ARIH1: variants seen among roughly 807,000 people sequenced by gnomAD.
The protein encoded by ARIH1 is ariadne RBR E3 ubiquitin protein ligase 1, also known as E3 ubiquitin-protein ligase ARIH1.
Under a neutral mutation model 85.0 loss-of-function variants are expected in ARIH1, and 8 were observed. The observed-to-expected ratio is 0.09, with a 90% confidence interval of 0.06 to 0.17. The LOEUF is 0.17. Ranked by LOEUF, ARIH1 falls within the 10% of genes least tolerant of loss-of-function variation. The probability of loss-of-function intolerance (pLI) is 1.00; values close to 1 mark genes in which losing one functional copy is unlikely to be tolerated. For synonymous variants in ARIH1, 238 were observed against 253.6 expected (o/e 0.94, Z 0.59); for missense variants, 311 against 718.1 (o/e 0.43, Z 6.48).
chr15:72,526,220 T>G (rs2064027490), intron 2 of ARIH1, among the ~76,000 whole-genome samples: 1 of 152,208 alleles, frequency 6.6e-6, no homozygotes, highest in African/African-American at 2.4e-5. Context: ...TCCTTTGTCA[T>G]TTCCATATAC....
chr15:72,581,569 A>G (rs1033356113), intron 12 of ARIH1: 2 of 158,280 alleles, frequency 1.3e-5, no homozygotes, highest in African/African-American at 4.8e-5. Flanking sequence ...TGCATAAAAC[A>G]TTGATATCTG....
chr15:72,516,915 A>G (rs1397461602), intron 1 of ARIH1, among the ~76,000 whole-genome samples: 2 of 152,240 alleles, frequency 1.3e-5, no homozygotes, highest in Non-Finnish European at 2.9e-5. Context: ...ATAAGCAGAC[A>G]CATGTTTGAG....
At chr15:72,576,506 A>C (rs1047208488) in intron 11 of ARIH1, among the ~76,000 whole-genome samples, 5 of 18,598 alleles carry the variant, frequency 2.7e-4, no homozygotes, top group Non-Finnish European at 1.3e-3. Flanking sequence ...ACTCTGTCTC[A>C]AAAAAAAAAA....
chr15:72,541,424 TTAAAAGA>T (rs1372292011), intron 2 of ARIH1, among the ~76,000 whole-genome samples: 15 of 152,312 alleles, frequency 9.8e-5, no homozygotes, highest in Admixed American at 2.6e-4. Flanking sequence ...ATTAAGTAAA[TTAAAAGA>T]TACTTTGTTC....
At chr15:72,484,006 A>C in intron 1 of ARIH1, among the ~76,000 whole-genome samples, 1 of 151,770 alleles carries the variant, frequency 6.6e-6, no homozygotes, top group East Asian at 1.9e-4. Context: ...CCCCGTCTCT[A>C]CTAAAAAAAT....
intron 2 of ARIH1, among the ~76,000 whole-genome samples, chr15:72,542,216 A>G (rs1036726582): frequency 6.6e-6 from 1 of 152,246 alleles, no homozygotes; most frequent in Non-Finnish European, 1.5e-5. Context: ...GAGGTCTTTT[A>G]AAGTGTGATA....
intron 1 of ARIH1, among the ~76,000 whole-genome samples, chr15:72,481,348 ATG>A (rs2063815955): frequency 6.6e-6 from 1 of 152,126 alleles, no homozygotes; most frequent in Admixed American, 6.5e-5. Flanking sequence ...GTGTTTCTCT[ATG>A]TGTTACGTGT....
chr15:72,558,370 C>T (rs1057307954), intron 5 of ARIH1, among the ~76,000 whole-genome samples: 14 of 152,150 alleles, frequency 9.2e-5, no homozygotes, highest in Non-Finnish European at 1.0e-4. Flanking sequence ...GGCACCATAT[C>T]GGCTCACTGC....
Position 72,474,762 on chromosome 15 carries a change from T to C in ARIH1, c.123T>C (p.Asp41=). ...DDDEPDDDTL[D]LGEVELVEPG... ...ACGAGCCGGACGATGATACCCTGGA[T>C]CTGGGCGAGGTGGAGCTGGTGGAGC... The change falls in exon 1 of 14, where the codon GAT becomes GAC. Residue 41 remains aspartate (D), a synonymous_variant. Transcript: ENST00000379887. 6.5e-7 allele frequency: 1 copy of C among 1,550,232 alleles called. No individual in the cohort carries two copies. The highest frequency in any genetic ancestry group is 1.9e-5 in the Admixed American group (1 of 52,546).
At chr15:72,506,373 A>AAAAAGAAAAAG (rs1403350911) in intron 1 of ARIH1, among the ~76,000 whole-genome samples, 141 of 150,304 alleles carry the variant, frequency 9.4e-4, no homozygotes, top group African/African-American at 2.7e-3. Context: ...AAAGAAAAAA[A>AAAAAGAAAAAG]AAAAGAACTT....
intron 5 of ARIH1, among the ~76,000 whole-genome samples, 196 bp downstream of exon 5, chr15:72,556,103 A>C (rs1250219702): frequency 6.6e-6 from 1 of 152,206 alleles, no homozygotes; most frequent in Admixed American, 6.5e-5. Context: ...CAAACTTAGA[A>C]ATGCATGGTA....
chr15:72,536,590 AG>A (rs1212973490), intron 2 of ARIH1, among the ~76,000 whole-genome samples: 5 of 152,188 alleles, frequency 3.3e-5, no homozygotes, highest in African/African-American at 1.2e-4. Context: ...GTTTTTCTGT[AG>A]TAAATGGGTA....
rs995683220 is a variant in ARIH1 at position 72,602,701 on chromosome 15, T to G, written c.*19409T>G. The G allele has an allele frequency of 6.6e-6, 1 of 152,234 alleles. No homozygotes were observed. Among genetic ancestry groups the G allele is most frequent in the African/African-American group, 2.4e-5 (1 of 41,448 alleles). The allele number at this position is 152,234 out of a possible 1,614,324, so 9.4% of individuals were successfully genotyped here. Reference sequence around the variant, plus strand: ...CTGAAATGTACCACTCTTGACTGACTTTTTCTTCTTCACCCTGTCCGGCAC... The same window carrying G: ...CTGAAATGTACCACTCTTGACTGACGTTTTCTTCTTCACCCTGTCCGGCAC... On this transcript the variant is annotated 3_prime_UTR_variant, in exon 14 of 14. Coordinates refer to ENST00000379887, the MANE Select transcript of ARIH1 (RefSeq NM_005744.5).
chr15:72,482,778 G>C (rs947270711), intron 1 of ARIH1, among the ~76,000 whole-genome samples: 1 of 151,500 alleles, frequency 6.6e-6, no homozygotes, highest in Non-Finnish European at 1.5e-5. Flanking sequence ...GGGGCCTCTG[G>C]CTTATGGTCT....
rs2064365033 is a variant in ARIH1 at position 72,596,772 on chromosome 15, A to T, written c.*13480A>T. 6.6e-6 allele frequency: 1 copy of T among 152,092 alleles called. No individual in the cohort carries two copies. The highest frequency in any genetic ancestry group is 1.5e-5 in the Non-Finnish European group (1 of 68,020). The allele number at this position is 152,092 out of a possible 1,614,324, so 9.4% of individuals were successfully genotyped here. On this transcript the variant is annotated 3_prime_UTR_variant, in exon 14 of 14. Transcript: ENST00000379887. ...AATTTTTATTTTTAGTTATTTATGG[A>T]TACATAGTTGTACTGAATTATTCAT...
chr15:72,493,993 C>T (rs997485405), intron 1 of ARIH1, among the ~76,000 whole-genome samples: 1 of 152,116 alleles, frequency 6.6e-6, no homozygotes, highest in African/African-American at 2.4e-5. Context: ...GTGGTTCCCT[C>T]CCTCACAGTA....
intron 9 of ARIH1, among the ~76,000 whole-genome samples, chr15:72,568,635 A>G (rs2064230916): frequency 6.6e-6 from 1 of 152,338 alleles, no homozygotes; most frequent in South Asian, 2.1e-4. Context: ...CCCTAAACAG[A>G]TATGCATATT....
At chr15:72,521,291 T>C (rs1030238370) in intron 2 of ARIH1, among the ~76,000 whole-genome samples, 1 of 149,382 alleles carries the variant, frequency 6.7e-6, no homozygotes, top group Non-Finnish European at 1.5e-5. Context: ...TATCCTGTAA[T>C]ATAAATTGTT....
intron 10 of ARIH1, 94 bp downstream of exon 10, chr15:72,570,401 C>T: frequency 3.4e-6 from 5 of 1,468,808 alleles, no homozygotes; most frequent in Non-Finnish European, 4.7e-6. Flanking sequence ...CACCATCTAA[C>T]TTGCAAGCTA....
Sources: allele counts gnomAD v4.1 joint callset (sites outside exome capture counted in the v4.1 genomes callset), GRCh38; gene constraint gnomAD v4.1.1; transcripts MANE v1.5; gene names NCBI Gene and HGNC (gene_info 2026-07-23, HGNC 2026-07-21).